DYNC2H1: variants seen among roughly 807,000 people sequenced by gnomAD.
The protein encoded by DYNC2H1 is dynein cytoplasmic 2 heavy chain 1.
Under a neutral mutation model 570.0 loss-of-function variants are expected in DYNC2H1, and 410 were observed. That is an observed-to-expected ratio of 0.72 (90% CI 0.66 to 0.78). The LOEUF is 0.78. Among genes scored for constraint, DYNC2H1 ranks in the 30% least tolerant of loss-of-function variants. The probability of loss-of-function intolerance (pLI) is 0.00; values close to 1 mark genes in which losing one functional copy is unlikely to be tolerated. For missense variants in DYNC2H1, 4,865 were observed against 5,046.4 expected (o/e 0.96, Z 1.09); for synonymous variants, 1,688 against 1,677.6 (o/e 1.01, Z -0.15).
chr11:103,246,999 CTTTT>C (rs369365481), intron 65 of DYNC2H1, among the ~76,000 whole-genome samples: 92 of 144,086 alleles, frequency 6.4e-4, no homozygotes, highest in African/African-American at 2.3e-3. Flanking sequence ...TCTCTCTCTC[CTTTT>C]TTTTTTTTTA....
rs969283232 is a variant in DYNC2H1, at chr11:103,129,691, GAAAA to G, written c.1953+691_1953+694del. On this transcript the variant is annotated intron_variant, in intron 13 of 88. Coordinates refer to ENST00000375735, the MANE Select transcript of DYNC2H1 (RefSeq NM_001377.3). The surrounding 1 kb of genome is among the most constrained non-coding windows in gnomAD (Gnocchi z 4.1). ...AGAGCGACTCCATCTCAAAAAAAAAGAAAAAAAAGAAAGAAAAAGAAATTAGGAA... is the reference window on the plus strand; with the variant it reads ...AGAGCGACTCCATCTCAAAAAAAAAGAAAAGAAAGAAAAAGAAATTAGGAA... 1.3e-5 allele frequency among the ~76,000 whole-genome samples: 2 copies of G among 150,584 alleles called. No individual in the cohort carries two copies. The highest frequency in any genetic ancestry group is 3.0e-5 in the Non-Finnish European group (2 of 67,494).
intron 83 of DYNC2H1, among the ~76,000 whole-genome samples, chr11:103,398,083 C>G (rs1406283678): frequency 6.6e-6 from 1 of 152,082 alleles, no homozygotes; most frequent in Non-Finnish European, 1.5e-5. Context: ...TAAATTAGTA[C>G]TTGTTAATCT....
chr11:103,255,639 C>A (rs889588569), intron 67 of DYNC2H1, 105 bp downstream of exon 67: 14 of 1,217,238 alleles, frequency 1.2e-5, no homozygotes, highest in Non-Finnish European at 1.5e-5. Context: ...TTTTTTTTTC[C>A]AAAGACATAT....
At chr11:103,329,287 G>C (rs956971114) in intron 82 of DYNC2H1, among the ~76,000 whole-genome samples, 2 of 151,792 alleles carry the variant, frequency 1.3e-5, no homozygotes, top group African/African-American at 4.8e-5. Context: ...CTTTAAAAGA[G>C]AGTCTTCAGG....
rs567487346 is a variant in DYNC2H1 at position 103,191,559 on chromosome 11, T to C, written c.7480T>C (p.Phe2494Leu). 1 of 1,610,420 alleles carries C rather than the reference T, an allele frequency of 6.2e-7. No individual in the cohort carries two copies. The highest frequency in any genetic ancestry group is 2.2e-5 in the East Asian group (1 of 44,698). ...FTVDDYSHYF[F>L]TPCILTQWVL... Reference sequence around the variant, plus strand: ...AGTTGATGATTATAGTCACTATTTCTTTACTCCTTGCATTCTTACCCAATG... The same window carrying C: ...AGTTGATGATTATAGTCACTATTTCCTTACTCCTTGCATTCTTACCCAATG... The change falls in exon 46 of 89, where the codon TTT becomes CTT. Residue 2494 changes from phenylalanine (F) to leucine (L), a missense_variant. Physicochemically the swap from Phe to Leu is conservative, Grantham distance 22. Around this residue, in one of 5 missense-constraint regions of DYNC2H1, gnomAD observed 2,401 missense variants for 2,454.6 expected, o/e 0.98. Transcript: ENST00000375735.
In DYNC2H1 at chr11:103,369,596, A is replaced by G. The variant is rs1941060417; in HGVS notation, c.12156+11237A>G. ...GAGAGGAGGGTAAAAAGTGGGGAGG[A>G]TTTTGTCTTGCATCTTGGATACCAG... On this transcript the variant is annotated intron_variant, in intron 83 of 88. Coordinates refer to ENST00000375735, the MANE Select transcript of DYNC2H1 (RefSeq NM_001377.3). This position sits in a 1 kb window ranked among gnomAD's most constrained non-coding sequence, Gnocchi z 4.0. 6.6e-6 allele frequency among the ~76,000 whole-genome samples: 1 copy of G among 151,968 alleles called. No homozygotes were observed. The highest frequency in any genetic ancestry group is 2.4e-5 in the African/African-American group (1 of 41,364).
Position 103,125,211 on chromosome 11 carries a change from A to C in DYNC2H1, c.1773A>C (p.Ala591=). The C allele has an allele frequency of 6.2e-7, 1 of 1,613,582 alleles. No individual in the cohort carries two copies. The highest frequency in any genetic ancestry group is 1.7e-5 in the Admixed American group (1 of 59,964). Residue 591 remains alanine, a synonymous_variant, in exon 12 of 89, where the codon GCA becomes GCC. Transcript: ENST00000375735. ...TGAGAGAAGTTCGTCAGCTCTCTGC[A>C]CTTGGCTTTGTTATTCCTGCCAAAA... ...ILLREVRQLS[A]LGFVIPAKIQ...
At chr11:103,288,330 G>C (rs192254073) in intron 75 of DYNC2H1, among the ~76,000 whole-genome samples, 47 of 152,124 alleles carry the variant, frequency 3.1e-4, no homozygotes, top group African/African-American at 9.9e-4. Flanking sequence ...AGGTAATTAT[G>C]ACAGTGAAAG....
Position 103,115,242 on chromosome 11 carries a change from A to G in DYNC2H1, c.568A>G (p.Ile190Val). The G allele has an allele frequency of 6.2e-7, 1 of 1,609,222 alleles. No individual in the cohort carries two copies. Among genetic ancestry groups the G allele is most frequent in the South Asian group, 1.1e-5 (1 of 89,780 alleles). ...IEQAHRGNKQ[I>V]SKERANYFKE... is the part of the protein sequence containing the mutation. ...ACAAGCTCACCGTGGAAATAAACAG[A>G]TTAGTAAAGAAAGAGCCAATTATTT... The change falls in exon 4 of 89, where the codon ATT (isoleucine) becomes GTT (valine). Residue 190 changes from isoleucine to valine, a missense_variant. Physicochemically the swap from Ile to Val is conservative, Grantham distance 29 (BLOSUM62 3). Coordinates refer to ENST00000375735, the MANE Select transcript of DYNC2H1 (RefSeq NM_001377.3).
At chr11:103,421,295 G>A (rs578244739) in intron 84 of DYNC2H1, among the ~76,000 whole-genome samples, 16 of 152,108 alleles carry the variant, frequency 1.1e-4, no homozygotes, top group Admixed American at 3.3e-4. Context: ...TTAGACCATC[G>A]AGGTAGAAAA....
Position 103,325,141 on chromosome 11 carries a change from A to G in DYNC2H1, c.12039+1151A>G. Among the ~76,000 whole-genome samples, 1 of 151,942 alleles carries G rather than the reference A, an allele frequency of 6.6e-6. No individual in the cohort carries two copies. Among genetic ancestry groups the G allele is most frequent in the Non-Finnish European group, 1.5e-5 (1 of 67,990 alleles). On this transcript the variant is annotated intron_variant, in intron 82 of 88. Coordinates refer to ENST00000375735, the MANE Select transcript of DYNC2H1 (RefSeq NM_001377.3). This position sits in a 1 kb window ranked among gnomAD's most constrained non-coding sequence, Gnocchi z 4.8. ...TTTGTTGAGTACTTAGTTTGCAAAC[A>G]TTTTCTCCTATTCTGTAGGTTGTCT...
intron 17 of DYNC2H1, among the ~76,000 whole-genome samples, chr11:103,139,811 G>A (rs200425445): frequency 0.09 from 13,633 of 152,010 alleles, 788 homozygotes; most frequent in Non-Finnish European, 0.12. Context: ...TGTTGACAGT[G>A]GGGTGTTAAA....
At chr11:103,340,833 G>A (rs1939408057) in intron 82 of DYNC2H1, among the ~76,000 whole-genome samples, 1 of 152,066 alleles carries the variant, frequency 6.6e-6, no homozygotes, top group Non-Finnish European at 1.5e-5. Flanking sequence ...TGCTAGAACA[G>A]TTGATTCACT....
In DYNC2H1 at chr11:103,117,757, G is replaced by T. The variant is rs1468383873; in HGVS notation, c.893G>T (p.Cys298Phe). 4 of 1,613,400 alleles carry T rather than the reference G, an allele frequency of 2.5e-6. No individual in the cohort carries two copies. The African/African-American group carries it at 5.3e-5, about 22-fold the overall frequency. Residue 298 changes from cysteine (C) to phenylalanine (F), a missense_variant, in exon 6 of 89, where the codon TGT becomes TTT. Transcript: ENST00000375735. ...ATTTGTGAACAGTGGGTGATAGTCT[G>T]TAATCATCTAACAGGTCAGGTGTGG... ...ISICEQWVIV[C>F]NHLTGQVWQR...
chr11:103,408,457 C>G (rs948134284), intron 84 of DYNC2H1: 10 of 151,940 alleles, frequency 6.6e-5, no homozygotes, highest in Non-Finnish European at 1.0e-4. Flanking sequence ...ACCCTGTTCT[C>G]GGGTTGGATG....
At chr11:103,211,172 C>T (rs1863140284) in intron 53 of DYNC2H1, among the ~76,000 whole-genome samples, 1 of 149,080 alleles carries the variant, frequency 6.7e-6, no homozygotes, top group South Asian at 2.2e-4. Context: ...TATGTAATGG[C>T]TGTGGCACAC....
At chr11:103,300,457 A>G (rs1346863456) in intron 75 of DYNC2H1, among the ~76,000 whole-genome samples, 2 of 152,044 alleles carry the variant, frequency 1.3e-5, no homozygotes, top group Non-Finnish European at 2.9e-5. Context: ...TGATGGTATC[A>G]TGAATCAGAA....
chr11:103,312,065 AG>A, intron 79 of DYNC2H1, 32 bp downstream of exon 79: 1 of 1,575,780 alleles, frequency 6.3e-7, no homozygotes, highest in East Asian at 2.3e-5. Flanking sequence ...ATACATTCTA[AG>A]CTTTATATTT....
intron 84 of DYNC2H1, among the ~76,000 whole-genome samples, chr11:103,428,755 C>G (rs1303377473): frequency 6.6e-6 from 1 of 152,106 alleles, no homozygotes; most frequent in African/African-American, 2.4e-5. Flanking sequence ...GTGTCCCTGG[C>G]TTATCTCACT....
Sources: allele counts gnomAD v4.1 joint callset (sites outside exome capture counted in the v4.1 genomes callset), GRCh38; gene constraint gnomAD v4.1.1; regional missense constraint gnomAD v4.1.1; non-coding constraint Gnocchi (gnomAD v3.1); transcripts MANE v1.5; gene names NCBI Gene and HGNC (gene_info 2026-07-23, HGNC 2026-07-21).